Variants in CTNNA2 observed in about 807,000 individuals in gnomAD.
CTNNA2 encodes catenin alpha-2.
CTNNA2 carries 42 observed loss-of-function variants against 101.0 expected under a neutral mutation model. That is an observed-to-expected ratio of 0.42 (90% CI 0.32 to 0.54). The LOEUF (loss-of-function observed/expected upper bound fraction) is 0.54. Ranked by LOEUF, CTNNA2 falls within the 20% of genes least tolerant of loss-of-function variation. The probability of loss-of-function intolerance (pLI) is 0.14; values close to 1 mark genes in which losing one functional copy is unlikely to be tolerated. For synonymous variants in CTNNA2, 450 were observed against 456.4 expected (o/e 0.99, Z 0.18); for missense variants, 871 against 1,223.1 (o/e 0.71, Z 4.29).
At chr2:79,276,500 A>G (rs960979963) in intron 2 of CTNNA2, among the ~76,000 whole-genome samples, 1 of 152,014 alleles carries the variant, frequency 6.6e-6, no homozygotes, top group Admixed American at 6.6e-5. Flanking sequence ...GCCTGATGTA[A>G]TGTTTGTTAC....
chr2:79,301,671 G>A (rs1474424423), intron 2 of CTNNA2, among the ~76,000 whole-genome samples: 2 of 151,856 alleles, frequency 1.3e-5, no homozygotes, highest in Non-Finnish European at 2.9e-5. Context: ...TATCTCCCCT[G>A]TCTCCCCTTG....
intron 1 of CTNNA2, among the ~76,000 whole-genome samples, chr2:79,516,979 A>G (rs564551240): frequency 7.9e-5 from 12 of 152,254 alleles, no homozygotes; most frequent in Admixed American, 5.9e-4. Context: ...TAATTACAAA[A>G]GCCCCTTTTC....
chr2:80,118,323 G>T (rs943704688), intron 7 of CTNNA2, among the ~76,000 whole-genome samples: 2 of 152,212 alleles, frequency 1.3e-5, no homozygotes, highest in Non-Finnish European at 1.5e-5. Context: ...AGTCGTCATT[G>T]GAATGGAGGA....
intron 3 of CTNNA2, among the ~76,000 whole-genome samples, chr2:79,773,516 G>T (rs1673740148): frequency 6.6e-6 from 1 of 152,166 alleles, no homozygotes; most frequent in African/African-American, 2.4e-5. Flanking sequence ...TTGAGTTTCT[G>T]ATAAGCCTTT....
At chr2:80,127,044 A>C (rs1900264) in intron 7 of CTNNA2, among the ~76,000 whole-genome samples, 83,102 of 151,984 alleles carry the variant, frequency 0.55, 26,256 homozygotes, top group African/African-American at 0.84. Context: ...CAGACAAAAG[A>C]CAGGAAACAT....
chr2:80,082,590 TCTATTTGGATTAAGTTTGGGAGAGTTTTA>T (rs1699218403), intron 7 of CTNNA2, among the ~76,000 whole-genome samples: 2 of 152,126 alleles, frequency 1.3e-5, no homozygotes, highest in African/African-American at 4.8e-5. Context: ...GAGATGGTAA[TCTATTTGGATTAAGTTTGGGAGAGTTTTA>T]AAATTCAAAA....
chr2:79,523,902 C>T (rs1672255791), intron 1 of CTNNA2, among the ~76,000 whole-genome samples: 1 of 151,926 alleles, frequency 6.6e-6, no homozygotes, highest in Non-Finnish European at 1.5e-5. Context: ...TGAGTGTGTT[C>T]ATGTTTTCCA....
chr2:80,278,766 T>G (rs1156546623), intron 7 of CTNNA2, among the ~76,000 whole-genome samples: 1 of 152,034 alleles, frequency 6.6e-6, no homozygotes, highest in Non-Finnish European at 1.5e-5. Flanking sequence ...CTAGTTTTCA[T>G]GACTAGCCTG....
At chr2:80,509,260 T>A (rs975013075) in intron 9 of CTNNA2, among the ~76,000 whole-genome samples, 3 of 152,198 alleles carry the variant, frequency 2.0e-5, no homozygotes, top group Admixed American at 6.5e-5. Flanking sequence ...AGGCAAGTGA[T>A]TTGCTGCATG....
At chr2:80,382,653 G>A (rs1676622896) in intron 7 of CTNNA2, among the ~76,000 whole-genome samples, 1 of 152,222 alleles carries the variant, frequency 6.6e-6, no homozygotes. Flanking sequence ...ATGAGGCACA[G>A]GGAGGTCAAG....
At chr2:79,921,506 T>G (rs528494271) in intron 7 of CTNNA2, among the ~76,000 whole-genome samples, 1 of 152,314 alleles carries the variant, frequency 6.6e-6, no homozygotes, top group East Asian at 1.9e-4. Context: ...TGCGAGATAC[T>G]AATTGAAGGG....
intron 3 of CTNNA2, among the ~76,000 whole-genome samples, chr2:79,764,104 C>A (rs539706581): frequency 6.6e-6 from 1 of 152,256 alleles, no homozygotes; most frequent in African/African-American, 2.4e-5. Flanking sequence ...GAAAACAGAC[C>A]CTGTAACTTG....
At chr2:80,004,947 C>T (rs142156059) in intron 7 of CTNNA2, among the ~76,000 whole-genome samples, 2,317 of 152,244 alleles carry the variant, frequency 0.015, 24 homozygotes, top group Middle Eastern at 0.024. Context: ...CTGCTGGCCC[C>T]GGCCTCCCAA....
intron 9 of CTNNA2, among the ~76,000 whole-genome samples, chr2:80,486,003 AT>A (rs1686552074): frequency 6.6e-6 from 1 of 152,012 alleles, no homozygotes; most frequent in African/African-American, 2.4e-5. Context: ...ATTTGGTTCC[AT>A]TCTTTTTCCA....
chr2:79,334,981 T>C (rs1325836340), intron 3 of CTNNA2, among the ~76,000 whole-genome samples: 1 of 152,082 alleles, frequency 6.6e-6, no homozygotes, highest in Non-Finnish European at 1.5e-5. Context: ...TCTTTAGAAT[T>C]TACTGCCCTC....
intron 18 of CTNNA2, among the ~76,000 whole-genome samples, chr2:80,636,542 T>A (rs1269502700): frequency 2.6e-5 from 4 of 152,162 alleles, no homozygotes; most frequent in East Asian, 1.9e-4. Flanking sequence ...AGTGTATACC[T>A]GAGAATCGAA....
intron 2 of CTNNA2, among the ~76,000 whole-genome samples, chr2:79,292,091 G>T (rs1244298820): frequency 6.6e-6 from 1 of 152,118 alleles, no homozygotes; most frequent in Non-Finnish European, 1.5e-5. Context: ...TAAAATGTTG[G>T]AAAGGTAATT....
chr2:79,187,289 A>ATTTTTTTTTTTTTT, intron 1 of CTNNA2, among the ~76,000 whole-genome samples: 1 of 44,442 alleles, frequency 2.3e-5, no homozygotes, highest in South Asian at 6.1e-4. Context: ...TTTTTTTTTG[A>ATTTTTTTTTTTTTT]GACAGAGTCT....
chr2:80,585,431 G>T (rs1053154251), intron 14 of CTNNA2, among the ~76,000 whole-genome samples: 5 of 152,278 alleles, frequency 3.3e-5, no homozygotes, highest in African/African-American at 1.2e-4. Flanking sequence ...ACATCAGGCA[G>T]ATCAACAATT....
Sources: allele counts gnomAD v4.1 joint callset (sites outside exome capture counted in the v4.1 genomes callset), GRCh38; gene constraint gnomAD v4.1.1; transcripts MANE v1.5; gene names NCBI Gene and HGNC (gene_info 2026-07-23, HGNC 2026-07-21).